The following MED29 variants were observed in gnomAD, a reference collection of about 807,000 sequenced individuals.
The protein encoded by MED29 is mediator complex subunit 29.
Under a neutral mutation model 22.0 loss-of-function variants are expected in MED29, and 14 were observed. That is an observed-to-expected ratio of 0.64 (90% CI 0.42 to 0.99). The LOEUF is 0.99. MED29 is among the 50% of genes least tolerant of loss of function. The pLI, the probability that MED29 is intolerant of heterozygous loss-of-function variation, is 0.00. For synonymous variants in MED29, 123 were observed against 107.8 expected, an observed-to-expected ratio of 1.14 and a Z score of -0.87; for missense variants, 241 against 253.7, an observed-to-expected ratio of 0.95 and a Z score of 0.34.
Position 39,400,615 on chromosome 19 carries a change from A to C in MED29, c.*2916A>C, listed in dbSNP as rs913719710. 1 of 152,170 alleles carries C rather than the reference A, an allele frequency of 6.6e-6. No homozygotes were observed. Among genetic ancestry groups the C allele is most frequent in the Admixed American group, 6.6e-5 (1 of 15,258 alleles). 9.4% of individuals were successfully genotyped at this position (152,170 alleles called of 1,614,324 possible). ...ATTATGGTTTATATATGTTCCATGT[A>C]TTTATTATTAAATAGATGACAAGGG... is the stretch of plus-strand genomic sequence containing the variant. On this transcript the variant is annotated 3_prime_UTR_variant, in exon 4 of 4. Coordinates refer to ENST00000315588, the MANE Select transcript of MED29 (RefSeq NM_017592.4).
chr19:39,393,077 T>TTTTCTTTTTC (rs2078406351), intron 2 of MED29, among the ~76,000 whole-genome samples: 1 of 78,838 alleles, frequency 1.3e-5, no homozygotes, highest in African/African-American at 6.3e-5. Context: ...TCTTTCTTTC[T>TTTTCTTTTTC]TTTCTTTTTT....
At chr19:39,395,916 C>CA (rs35433105) in intron 3 of MED29, among the ~76,000 whole-genome samples, 10,668 of 136,654 alleles carry the variant, frequency 0.078, 388 homozygotes, top group African/African-American at 0.1. Flanking sequence ...GACTCCGTCT[C>CA]AAAAAAAAAA....
Position 39,397,719 on chromosome 19 carries a change from G to T in MED29, c.*20G>T. 1.3e-6 allele frequency: 2 copies of T among 1,599,344 alleles called. No homozygotes were observed. The highest frequency in any genetic ancestry group is 1.1e-5 in the South Asian group (1 of 90,860). On this transcript the variant is annotated 3_prime_UTR_variant, in exon 4 of 4. Transcript: ENST00000315588. ...CTGTGAAGTGGGGGACAGGGAGTGG[G>T]GCAGGCAGTGGTTGGTGGGTGGTGT... is the stretch of plus-strand genomic sequence containing the variant.
At position 39,391,512 on chromosome 19, in the gene MED29, G is replaced by C. The variant is rs1159857364; in HGVS notation, c.90G>C (p.Gln30His). 1 of 1,612,622 alleles carries C rather than the reference G, an allele frequency of 6.2e-7. No homozygotes were observed. The highest frequency in any genetic ancestry group is 1.7e-5 in the Admixed American group (1 of 60,010). The change falls in exon 1 of 4, where the codon CAG (glutamine) becomes CAC (histidine). Residue 30 changes from glutamine (Q) to histidine (H), a missense_variant. Gln to His is a conservative substitution (Grantham distance 24). Transcript: ENST00000315588. ...PSSAGGPGPQ[Q>H]QPQPPAQLVG... ...CGGCTGGCGGCCCGGGTCCCCAGCA[G>C]CAGCCGCAACCGCCAGCACAACTGG...
Position 39,393,547 on chromosome 19 carries a change from C to A in MED29, c.276-6C>A. 6.2e-7 allele frequency: 1 copy of A among 1,612,980 alleles called. No homozygotes were observed. The highest frequency in any genetic ancestry group is 1.1e-5 in the South Asian group (1 of 91,016). ...TCTTCAGACATCCTTTTTTCCTTGT[C>A]TGTAGAAAGAGCAGTGATGGACCCA... On this transcript the variant is annotated splice_region_variant and splice_polypyrimidine_tract_variant and intron_variant, in intron 2 of 3. Transcript: ENST00000315588.
chr19:39,397,853 C>T lies in MED29; in HGVS notation c.*154C>T. ...GGGCAGCAGAGGCCAACAGGGAGCT[C>T]GCAGGCCGGGCCCCTGCGTCCCTGC... is the stretch of plus-strand genomic sequence containing the variant. On this transcript the variant is annotated 3_prime_UTR_variant, in exon 4 of 4. Coordinates refer to ENST00000315588, the MANE Select transcript of MED29 (RefSeq NM_017592.4). 2.3e-6 allele frequency: 3 copies of T among 1,309,392 alleles called. No homozygotes were observed. Among genetic ancestry groups the T allele is most frequent in the Non-Finnish European group, 3.1e-6 (3 of 977,642 alleles). The allele number at this position is 1,309,392 out of a possible 1,614,324, so 81.1% of individuals were successfully genotyped here. A position where few individuals can be genotyped will look rare whatever the true frequency, so the allele number is the denominator to read the frequency against.
intron 2 of MED29, chr19:39,392,727 G>A: frequency 7.5e-6 from 4 of 536,720 alleles, no homozygotes; most frequent in African/African-American, 2.0e-5. Context: ...CCTGAGTTAG[G>A]AGATCCTCTT....
rs539302734 is a variant in MED29 at position 39,397,831 on chromosome 19, C to A, written c.*132C>A. 151 of 1,424,664 alleles carry A rather than the reference C, an allele frequency of 1.1e-4. No homozygotes were observed. The highest frequency in any genetic ancestry group is 1.4e-4 in the Non-Finnish European group (149 of 1,073,294). The allele number at this position is 1,424,664 out of a possible 1,614,324, so 88.3% of individuals were successfully genotyped here. On this transcript the variant is annotated 3_prime_UTR_variant, in exon 4 of 4. Transcript: ENST00000315588. ...CACCGCAGCGGGAGCCAGCAGGGGG[C>A]AGCAGAGGCCAACAGGGAGCTCGCA... is the stretch of plus-strand genomic sequence containing the variant.
chr19:39,392,260 C>T (rs893557157), intron 1 of MED29, among the ~76,000 whole-genome samples: 9 of 152,040 alleles, frequency 5.9e-5, no homozygotes, highest in Admixed American at 5.2e-4. Context: ...TGGCGAGAAG[C>T]TCAGGTGAGA....
At chr19:39,393,072 C>CTTTTTTTTTTTTT (rs2078405142) in intron 2 of MED29, among the ~76,000 whole-genome samples, 2 of 86,126 alleles carry the variant, frequency 2.3e-5, no homozygotes, top group African/African-American at 9.3e-5. Context: ...TTCTTTCTTT[C>CTTTTTTTTTTTTT]TTTCTTTTCT....
At chr19:39,396,800 C>G (rs560658618) in intron 3 of MED29, among the ~76,000 whole-genome samples, 1 of 151,086 alleles carries the variant, frequency 6.6e-6, no homozygotes, top group Non-Finnish European at 1.5e-5. Context: ...TGAGGCGGGT[C>G]GGTCACCTGA....
At position 39,392,517 on chromosome 19, in the gene MED29, T is replaced by C. The variant is rs780622863; in HGVS notation, c.270T>C (p.Asn90=). 8 of 1,613,992 alleles carry C rather than the reference T, an allele frequency of 5.0e-6. No homozygotes were observed. The highest frequency in any genetic ancestry group is 5.9e-6 in the Non-Finnish European group (7 of 1,179,952). ...TGATTCAGAACACTAACATCGACAA[T>C]GGACAGTGAGTGCAGCCCCCTTTAC... ...QNLIQNTNID[N]GQKSSDGPIQ... is the part of the protein sequence containing the mutation. The change falls in exon 2 of 4, where the codon AAT becomes AAC. Residue 90 remains asparagine, a synonymous_variant. Coordinates refer to ENST00000315588, the MANE Select transcript of MED29 (RefSeq NM_017592.4).
chr19:39,397,854 G>A lies in MED29; in HGVS notation c.*155G>A, dbSNP rs112968195. ...GGCAGCAGAGGCCAACAGGGAGCTCGCAGGCCGGGCCCCTGCGTCCCTGCC... is the reference window on the plus strand; with the variant it reads ...GGCAGCAGAGGCCAACAGGGAGCTCACAGGCCGGGCCCCTGCGTCCCTGCC... On this transcript the variant is annotated 3_prime_UTR_variant, in exon 4 of 4. Transcript: ENST00000315588. 2.8e-4 allele frequency: 362 copies of A among 1,293,320 alleles called. No individual in the cohort carries two copies. In the African/African-American group the frequency reaches 4.6e-3, roughly 16 times the overall value. 80.1% of individuals were successfully genotyped at this position (1,293,320 alleles called of 1,614,324 possible). A position where few individuals can be genotyped will look rare whatever the true frequency, so the allele number is the denominator to read the frequency against.
At chr19:39,393,148 T>A (rs559194826) in intron 2 of MED29, among the ~76,000 whole-genome samples, 1 of 131,874 alleles carries the variant, frequency 7.6e-6, no homozygotes, top group Non-Finnish European at 1.6e-5. Flanking sequence ...CAGGCTGGAG[T>A]GCAGTGGTGT....
chr19:39,391,776 G>C, intron 1 of MED29, 138 bp downstream of exon 1: 2 of 1,069,574 alleles, frequency 1.9e-6, no homozygotes, highest in Non-Finnish European at 2.6e-6. Flanking sequence ...GTGCACGCCT[G>C]TGTTCCCAGC....
At position 39,392,378 on chromosome 19, in the gene MED29, G is replaced by C. The variant is rs1227044119; in HGVS notation, c.217-86G>C. ...AGTTGAAAAGAAAACCTGAGACTGA[G>C]TGATCTCAAGAAAGAGTGTAGATCT... On this transcript the variant is annotated intron_variant, in intron 1 of 3. Transcript: ENST00000315588. 2.5e-6 allele frequency: 3 copies of C among 1,188,852 alleles called. No individual in the cohort carries two copies. The African/African-American group carries it at 4.5e-5, about 18-fold the overall frequency. The allele number at this position is 1,188,852 out of a possible 1,614,324, so 73.6% of individuals were successfully genotyped here. A position where few individuals can be genotyped will look rare whatever the true frequency, so the allele number is the denominator to read the frequency against.
rs1243470842 is a variant in MED29, at chr19:39,397,818, AGCCAGCAGGGGGCAGCAGAG to A, written c.*124_*143del. 1 of 1,467,484 alleles carries A rather than the reference AGCCAGCAGGGGGCAGCAGAG, an allele frequency of 6.8e-7. No homozygotes were observed. The highest frequency in any genetic ancestry group is 9.1e-7 in the Non-Finnish European group (1 of 1,104,160). The allele number at this position is 1,467,484 out of a possible 1,614,324, so 90.9% of individuals were successfully genotyped here. Reference sequence around the variant, plus strand: ...CTTCCTGCCTGAGCACCGCAGCGGGAGCCAGCAGGGGGCAGCAGAGGCCAACAGGGAGCTCGCAGGCCGGG... The same window carrying A: ...CTTCCTGCCTGAGCACCGCAGCGGGAGCCAACAGGGAGCTCGCAGGCCGGG... On this transcript the variant is annotated 3_prime_UTR_variant, in exon 4 of 4. Transcript: ENST00000315588.
intron 3 of MED29, among the ~76,000 whole-genome samples, chr19:39,394,841 C>T (rs1242363089): frequency 4.6e-5 from 7 of 151,210 alleles, no homozygotes; most frequent in Admixed American, 2.6e-4. Flanking sequence ...GGATTACAGG[C>T]GTGAGCTACC....
At chr19:39,394,230 A>C (rs2078415652) in intron 3 of MED29, among the ~76,000 whole-genome samples, 1 of 151,690 alleles carries the variant, frequency 6.6e-6, no homozygotes, top group Non-Finnish European at 1.5e-5. Context: ...GCAAATGTGT[A>C]CTGTAGTATC....
Sources: gnomAD v4.1 joint callset for allele counts (sites outside exome capture counted in the v4.1 genomes callset) on GRCh38, gnomAD v4.1.1 for gene constraint, MANE v1.5 for transcripts, NCBI Gene and HGNC (gene_info 2026-07-23, HGNC 2026-07-21) for gene names.